The following RALGAPA2 variants were observed in gnomAD, a reference collection of about 807,000 sequenced individuals.
RALGAPA2 encodes ral GTPase-activating protein subunit alpha-2.
Under a neutral mutation model 230.4 loss-of-function variants are expected in RALGAPA2, and 139 were observed. The ratio of observed to expected loss-of-function variants is 0.60; its 90% CI spans 0.53 to 0.69. The LOEUF is 0.69. Among genes scored for constraint, RALGAPA2 ranks in the 30% least tolerant of loss-of-function variants. RALGAPA2 has a pLI of 0.00. For synonymous variants in RALGAPA2, 847 were observed against 837.8 expected (o/e 1.01, Z -0.19); for missense variants, 2,163 against 2,276.0 (o/e 0.95, Z 1.01).
In RALGAPA2 at chr20:20,570,825, C is replaced by T. The variant is rs865785591; in HGVS notation, c.3156+633G>A. Among the ~76,000 whole-genome samples the T allele has an allele frequency of 1.2e-4, 18 of 152,150 alleles. No homozygotes were observed. The South Asian group carries it at 1.2e-3, about 11-fold the overall frequency. On this transcript the variant is annotated intron_variant, in intron 23 of 39. Transcript: ENST00000202677. Reference sequence around the variant, plus strand: ...AATCAAGTCAAGAATCCATGTGTCCCTATCCGTAATCTCCCTCAACTGGCA... The same window carrying T: ...AATCAAGTCAAGAATCCATGTGTCCTTATCCGTAATCTCCCTCAACTGGCA...
intron 14 of RALGAPA2, among the ~76,000 whole-genome samples, chr20:20,609,728 C>T (rs1031870312): frequency 2.6e-5 from 4 of 152,146 alleles, no homozygotes; most frequent in East Asian, 3.9e-4. Context: ...ACGGGGAGCT[C>T]GAAAGGGTGC....
At chr20:20,563,539 A>G (rs1366119931) in intron 23 of RALGAPA2, among the ~76,000 whole-genome samples, 1 of 152,170 alleles carries the variant, frequency 6.6e-6, no homozygotes, top group Non-Finnish European at 1.5e-5. Flanking sequence ...AACAGGCAAG[A>G]ATTCTTTGGG....
intron 16 of RALGAPA2, among the ~76,000 whole-genome samples, chr20:20,594,285 T>G: frequency 6.6e-6 from 1 of 152,198 alleles, no homozygotes; most frequent in East Asian, 1.9e-4. Flanking sequence ...CAGAAACAAT[T>G]TCTTTATACT....
chr20:20,557,463 T>A (rs557937364), intron 23 of RALGAPA2, among the ~76,000 whole-genome samples: 16 of 152,216 alleles, frequency 1.1e-4, no homozygotes, highest in Non-Finnish European at 2.2e-4. Flanking sequence ...TTATTCACAC[T>A]GTCTCAAGAA....
chr20:20,643,623 T>G, intron 4 of RALGAPA2, 74 bp from the exon 5 acceptor site: 3 of 1,250,528 alleles, frequency 2.4e-6, no homozygotes, highest in Non-Finnish European at 3.2e-6. Flanking sequence ...AGAAAATATG[T>G]ACTTATGACA....
At chr20:20,490,870 ACAC>A (rs2062033142) in intron 36 of RALGAPA2, among the ~76,000 whole-genome samples, 1 of 150,834 alleles carries the variant, frequency 6.6e-6, no homozygotes, top group African/African-American at 2.4e-5. Context: ...GAACACACAC[ACAC>A]ACACACACAC....
At position 20,680,409 on chromosome 20, in the gene RALGAPA2, T is replaced by C. The variant is rs78742940; in HGVS notation, c.217+282A>G. 2.5e-3 allele frequency among the ~76,000 whole-genome samples: 377 copies of C among 152,356 alleles called. 12 individuals are homozygous for C. The East Asian group carries it at 0.065, about 26-fold the overall frequency. On this transcript the variant is annotated intron_variant, in intron 2 of 39. Coordinates refer to ENST00000202677, the MANE Select transcript of RALGAPA2 (RefSeq NM_020343.4). ...ATCTAAATTTTTTTAATAGTATGCATGTATTACTTTTCTTTCTTTTTCAGT... is the reference window on the plus strand; with the variant it reads ...ATCTAAATTTTTTTAATAGTATGCACGTATTACTTTTCTTTCTTTTTCAGT...
chr20:20,505,868 G>T (rs1387353263), intron 33 of RALGAPA2, among the ~76,000 whole-genome samples: 1 of 152,140 alleles, frequency 6.6e-6, no homozygotes, highest in Non-Finnish European at 1.5e-5. Flanking sequence ...AAGATACACC[G>T]ACCAGAAGGC....
intron 17 of RALGAPA2, among the ~76,000 whole-genome samples, chr20:20,589,896 A>T (rs6075678): frequency 0.075 from 11,438 of 151,542 alleles, 592 homozygotes; most frequent in East Asian, 0.16. Flanking sequence ...AAAAAAAAAA[A>T]TTTTTTTCTA....
At chr20:20,698,179 A>C (rs2069192757) in intron 1 of RALGAPA2, among the ~76,000 whole-genome samples, 1 of 152,118 alleles carries the variant, frequency 6.6e-6, no homozygotes. Context: ...TTAGTTTTCC[A>C]GGGGTGATGA....
chr20:20,601,638 A>G (rs903445368), intron 16 of RALGAPA2, 44 bp downstream of exon 16: 2 of 1,581,476 alleles, frequency 1.3e-6, no homozygotes, highest in Non-Finnish European at 1.7e-6. Flanking sequence ...AATTTATTTT[A>G]GATAACAATT....
chr20:20,468,225 T>C (rs955660757), intron 37 of RALGAPA2, among the ~76,000 whole-genome samples: 1 of 152,184 alleles, frequency 6.6e-6, no homozygotes, highest in Non-Finnish European at 1.5e-5. Flanking sequence ...ACATGTCACC[T>C]TTGGTTGAAT....
intron 17 of RALGAPA2, among the ~76,000 whole-genome samples, chr20:20,589,637 G>A (rs1015159025): frequency 2.0e-5 from 3 of 152,058 alleles, no homozygotes; most frequent in East Asian, 1.9e-4. Context: ...TCGCACAGGG[G>A]AGGGCAACAA....
chr20:20,441,386 G>A (rs2060735761), intron 37 of RALGAPA2, among the ~76,000 whole-genome samples: 1 of 152,242 alleles, frequency 6.6e-6, no homozygotes, highest in Non-Finnish European at 1.5e-5. Flanking sequence ...GATGAGGTGA[G>A]TGTGGGTGGA....
chr20:20,449,126 A>G (rs1448350908), intron 37 of RALGAPA2, among the ~76,000 whole-genome samples: 1 of 152,258 alleles, frequency 6.6e-6, no homozygotes, highest in African/African-American at 2.4e-5. Context: ...AAATTGGGAC[A>G]GAGGTTTGCA....
chr20:20,511,345 G>A lies in RALGAPA2; in HGVS notation c.4857-20C>T, dbSNP rs760082798. 2 of 1,536,048 alleles carry A rather than the reference G, an allele frequency of 1.3e-6. No individual in the cohort carries two copies. Among genetic ancestry groups the A allele is most frequent in the Admixed American group, 2.2e-5 (1 of 46,104 alleles). On this transcript the variant is annotated intron_variant, in intron 32 of 39. Transcript: ENST00000202677. ...TTCTTCCTATAAAGAAAAAAGGATG[G>A]AAGAAAAACCATGTGATTACAGAAC...
chr20:20,620,126 A>G (rs1254419507), intron 11 of RALGAPA2, among the ~76,000 whole-genome samples: 1 of 152,258 alleles, frequency 6.6e-6, no homozygotes, highest in Non-Finnish European at 1.5e-5. Context: ...ATTTATTTAA[A>G]CAAGTCAAGG....
chr20:20,474,128 G>A (rs779585940), intron 36 of RALGAPA2, among the ~76,000 whole-genome samples: 4 of 152,192 alleles, frequency 2.6e-5, no homozygotes, highest in Non-Finnish European at 5.9e-5. Flanking sequence ...TAATGGCCAG[G>A]GTGGGCTTTA....
At chr20:20,581,534 A>G (rs909402493) in intron 20 of RALGAPA2, among the ~76,000 whole-genome samples, 11 of 152,202 alleles carry the variant, frequency 7.2e-5, no homozygotes, top group African/African-American at 2.7e-4. Context: ...CTCCAGCTTG[A>G]TAACAATTTC....
Sources: gnomAD v4.1 joint callset for allele counts (sites outside exome capture counted in the v4.1 genomes callset) on GRCh38, gnomAD v4.1.1 for gene constraint, MANE v1.5 for transcripts, NCBI Gene and HGNC (gene_info 2026-07-23, HGNC 2026-07-21) for gene names.